The following CEP112 variants were observed in gnomAD, a reference collection of about 807,000 sequenced individuals.
CEP112 encodes the protein centrosomal protein 112.
In CEP112, 127 loss-of-function variants were observed where a neutral mutation model predicts 153.0. The observed-to-expected ratio is 0.83, with a 90% CI of 0.72 to 0.96. The LOEUF is 0.96. CEP112 is among the 40% of genes least tolerant of loss of function. CEP112 has a pLI of 0.00. For missense variants in CEP112, 1,089 were observed against 1,101.2 expected (o/e 0.99, Z 0.16); for synonymous variants, 358 against 374.4 (o/e 0.96, Z 0.51).
chr17:66,192,031 G>T lies in CEP112; in HGVS notation c.-43C>A. The T allele has an allele frequency of 6.5e-6, 1 of 154,132 alleles. No homozygotes were observed. The highest frequency in any genetic ancestry group is 1.4e-5 in the Non-Finnish European group (1 of 69,172). 9.5% of individuals were successfully genotyped at this position (154,132 alleles called of 1,614,324 possible). ...CCACACGCAAGCTTTCCGCTCGGCC[G>T]CTGCCGCCAACGCCGCCGCCACCGC... is the stretch of plus-strand genomic sequence containing the variant. On this transcript the variant is annotated 5_prime_UTR_variant, in exon 1 of 27. Coordinates refer to ENST00000535342, the MANE Select transcript of CEP112 (RefSeq NM_001199165.4).
At chr17:65,713,863 C>T (rs1263929069) in intron 23 of CEP112, among the ~76,000 whole-genome samples, 1 of 152,166 alleles carries the variant, frequency 6.6e-6, no homozygotes, top group African/African-American at 2.4e-5. Context: ...GCTGGGATTA[C>T]AGGAGTGAGT....
rs566093037 is a variant in CEP112, at chr17:65,864,484, C to T, written c.2164-12450G>A. ...AGGACCCTAATAACTGGAGCCCTGACGCCATTCTTCCACCTTCCTCGACAT... is the reference window on the plus strand; with the variant it reads ...AGGACCCTAATAACTGGAGCCCTGATGCCATTCTTCCACCTTCCTCGACAT... On this transcript the variant is annotated intron_variant, in intron 20 of 26. Coordinates refer to ENST00000535342, the MANE Select transcript of CEP112 (RefSeq NM_001199165.4). Among the ~76,000 whole-genome samples, 10 of 152,322 alleles carry T rather than the reference C, an allele frequency of 6.6e-5. No individual in the cohort carries two copies. In the East Asian group the frequency reaches 7.7e-4, roughly 12 times the overall value.
intron 21 of CEP112, among the ~76,000 whole-genome samples, chr17:65,786,462 T>A (rs1357837695): frequency 6.6e-6 from 1 of 152,090 alleles, no homozygotes; most frequent in Non-Finnish European, 1.5e-5. Flanking sequence ...ATTTCATTAG[T>A]GTCTTATTTT....
intron 4 of CEP112, among the ~76,000 whole-genome samples, chr17:66,137,106 G>T (rs900683882): frequency 2.6e-5 from 4 of 152,026 alleles, no homozygotes; most frequent in Non-Finnish European, 4.4e-5. Context: ...ATAAGCTTAG[G>T]ATAAATTATG....
Position 66,101,282 on chromosome 17 carries a change from A to G in CEP112, c.643-4650T>C, listed in dbSNP as rs189022524. On this transcript the variant is annotated intron_variant, in intron 6 of 26. Coordinates refer to ENST00000535342, the MANE Select transcript of CEP112 (RefSeq NM_001199165.4). ...TAAGGAACTCAGGTAAAGAAAATGC[A>G]AATCAAATATTTTACATACAATCTA... Among the ~76,000 whole-genome samples, 346 of 152,260 alleles carry G rather than the reference A, an allele frequency of 2.3e-3. 2 individuals are homozygous for G. The highest frequency in any genetic ancestry group is 4.2e-3 in the Admixed American group (64 of 15,296).
chr17:65,850,510 AC>A (rs1218721112), intron 21 of CEP112, among the ~76,000 whole-genome samples: 2 of 152,162 alleles, frequency 1.3e-5, no homozygotes, highest in Non-Finnish European at 2.9e-5. Context: ...TATTGGCTAG[AC>A]CCAGCTCTCT....
chr17:65,932,126 A>C (rs1437166519), intron 18 of CEP112, among the ~76,000 whole-genome samples: 3 of 152,216 alleles, frequency 2.0e-5, no homozygotes, highest in African/African-American at 7.2e-5. Flanking sequence ...GTGAAGCACA[A>C]CCAGGAGCCA....
intron 4 of CEP112, among the ~76,000 whole-genome samples, chr17:66,155,669 C>T (rs2071408055): frequency 6.6e-6 from 1 of 152,162 alleles, no homozygotes. Flanking sequence ...ACTGCCAGCA[C>T]AGCAGTCTGA....
chr17:65,855,696 A>G (rs2058098903), intron 20 of CEP112, among the ~76,000 whole-genome samples: 1 of 152,198 alleles, frequency 6.6e-6, no homozygotes. Flanking sequence ...CAAAACTACT[A>G]CCAAAAAGAG....
intron 23 of CEP112, among the ~76,000 whole-genome samples, chr17:65,692,158 T>C (rs1170851223): frequency 1.3e-5 from 2 of 152,242 alleles, no homozygotes; most frequent in Non-Finnish European, 2.9e-5. Context: ...AGGATGTAAT[T>C]GAGGCTCCAT....
At chr17:66,083,229 T>C (rs1329611873) in intron 8 of CEP112, among the ~76,000 whole-genome samples, 3 of 152,170 alleles carry the variant, frequency 2.0e-5, no homozygotes, top group Non-Finnish European at 2.9e-5. Flanking sequence ...TCATGAGATC[T>C]GATGGTTTTA....
intron 20 of CEP112, among the ~76,000 whole-genome samples, chr17:65,860,128 G>C (rs537787955): frequency 1.3e-5 from 2 of 151,900 alleles, no homozygotes; most frequent in South Asian, 4.2e-4. Flanking sequence ...CGTGATGTCT[G>C]AATAAATGAT....
At chr17:65,648,202 A>G (rs1477962483) in intron 24 of CEP112, among the ~76,000 whole-genome samples, 1 of 151,948 alleles carries the variant, frequency 6.6e-6, no homozygotes, top group Admixed American at 6.6e-5. Flanking sequence ...ACATCCCTCA[A>G]CCACATCGCA....
intron 12 of CEP112, among the ~76,000 whole-genome samples, chr17:66,036,194 T>C (rs1568413125): frequency 6.6e-6 from 1 of 152,194 alleles, no homozygotes; most frequent in Non-Finnish European, 1.5e-5. Context: ...AGAGTGATGA[T>C]TGCCAGGGGC....
chr17:65,743,160 G>A lies in CEP112; in HGVS notation c.2515C>T (p.Gln839Ter). The change falls in exon 23 of 27, where the codon CAG becomes TAG. Residue 839 changes from glutamine (Q) to a stop codon, truncating the protein, a stop_gained. Transcript: ENST00000535342. LOFTEE classifies it high-confidence loss of function. ...SSLKEENSQQ[Q>*]LAAERRLQDV... ...TGGAGCCGCCTTTCTGCAGCAAGCT[G>A]CTGCTGGCTGTTCTCTTCTTTCAGA... The A allele has an allele frequency of 6.2e-7, 1 of 1,613,040 alleles. No individual in the cohort carries two copies. Among genetic ancestry groups the A allele is most frequent in the Non-Finnish European group, 8.5e-7 (1 of 1,179,568 alleles).
intron 2 of CEP112, among the ~76,000 whole-genome samples, chr17:66,178,134 C>T (rs1462601413): frequency 1.3e-5 from 2 of 152,124 alleles, no homozygotes; most frequent in African/African-American, 4.8e-5. Flanking sequence ...TTCTGAGGAA[C>T]CTCAAACTCT....
chr17:65,855,803 C>A (rs1379435779), intron 20 of CEP112, among the ~76,000 whole-genome samples: 1 of 152,126 alleles, frequency 6.6e-6, no homozygotes, highest in Non-Finnish European at 1.5e-5. Context: ...TTGGCTTATG[C>A]CTGTAATCAC....
chr17:66,012,099 G>A (rs1366365726), intron 16 of CEP112, among the ~76,000 whole-genome samples: 1 of 151,926 alleles, frequency 6.6e-6, no homozygotes, highest in African/African-American at 2.4e-5. Context: ...TCTTTACTTT[G>A]AGCCTATGGG....
chr17:66,130,226 CAAAAAAA>C lies in CEP112; in HGVS notation c.565-410_565-404del, dbSNP rs922732155. On this transcript the variant is annotated intron_variant, in intron 5 of 26. Transcript: ENST00000535342. ...ATATATTCACACAGCAACTAAATTTCAAAAAAAAAAAAATTAAAAATTAATCCAGGCT... is the reference window on the plus strand; with the variant it reads ...ATATATTCACACAGCAACTAAATTTCAAAAAATTAAAAATTAATCCAGGCT... Among the ~76,000 whole-genome samples, 5 of 132,886 alleles carry C rather than the reference CAAAAAAA, an allele frequency of 3.8e-5. 1 individual carries two copies. The East Asian group carries it at 1.1e-3, about 29-fold the overall frequency. 87.2% of individuals were successfully genotyped at this position (132,886 alleles called of 152,430 possible). A position where few individuals can be genotyped will look rare whatever the true frequency, so the allele number is the denominator to read the frequency against.
Sources: gnomAD v4.1 joint callset for allele counts (sites outside exome capture counted in the v4.1 genomes callset) on GRCh38, gnomAD v4.1.1 for gene constraint, MANE v1.5 for transcripts, NCBI Gene and HGNC (gene_info 2026-07-23, HGNC 2026-07-21) for gene names.